FBXO15: variants seen among roughly 807,000 people sequenced by gnomAD.
FBXO15 encodes F-box protein 15, also known as F-box only protein 15.
FBXO15 carries 30 observed loss-of-function variants against 49.5 expected under a neutral mutation model. The ratio of observed to expected loss-of-function variants is 0.61; its 90% CI spans 0.45 to 0.82. FBXO15 has a LOEUF of 0.82. Among genes scored for constraint, FBXO15 ranks in the 40% least tolerant of loss-of-function variants. FBXO15 has a pLI of 0.00. For missense variants in FBXO15, 591 were observed against 631.5 expected, an observed-to-expected ratio of 0.94 and a Z score of 0.69; for synonymous variants, 250 against 232.7, an observed-to-expected ratio of 1.07 and a Z score of -0.68.
At chr18:74,106,144 C>A (rs1212159114) in intron 8 of FBXO15, among the ~76,000 whole-genome samples, 1 of 150,286 alleles carries the variant, frequency 6.7e-6, no homozygotes, top group East Asian at 2.0e-4. Flanking sequence ...GTACAGGAAT[C>A]TGTAGGCTAT....
In FBXO15 at chr18:74,107,859, C is replaced by T. The variant is rs114162387; in HGVS notation, c.1138+15509G>A. On this transcript the variant is annotated intron_variant, in intron 8 of 9. Coordinates refer to ENST00000419743, the MANE Select transcript of FBXO15 (RefSeq NM_001142958.2). ...AAGGCTTTTCCTCAAGAGAAACTAACTAGAGAATAACCTACTAGGGGAATT... is the reference window on the plus strand; with the variant it reads ...AAGGCTTTTCCTCAAGAGAAACTAATTAGAGAATAACCTACTAGGGGAATT... Among the ~76,000 whole-genome samples the T allele has an allele frequency of 1.7e-3, 253 of 152,276 alleles. 3 individuals are homozygous for T. The highest frequency in any genetic ancestry group is 5.9e-3 in the African/African-American group (247 of 41,558).
intron 3 of FBXO15, among the ~76,000 whole-genome samples, chr18:74,134,121 T>C (rs1568180139): frequency 6.6e-6 from 1 of 152,230 alleles, no homozygotes; most frequent in Non-Finnish European, 1.5e-5. Flanking sequence ...TGTGTGCATG[T>C]ATTGACATAG....
intron 3 of FBXO15, among the ~76,000 whole-genome samples, chr18:74,131,350 T>A (rs919976958): frequency 3.3e-5 from 5 of 152,200 alleles, no homozygotes; most frequent in African/African-American, 7.2e-5. Context: ...GAGGCTCAGA[T>A]GCAAGGTGAG....
intron 8 of FBXO15, among the ~76,000 whole-genome samples, chr18:74,121,150 C>G (rs539714903): frequency 3.9e-5 from 6 of 152,280 alleles, no homozygotes; most frequent in African/African-American, 1.4e-4. Flanking sequence ...AGCTCCATCT[C>G]TTTGAAAGAA....
At chr18:74,124,439 CTTTATA>C in intron 7 of FBXO15, 44 bp downstream of exon 7, 1 of 1,459,352 alleles carries the variant, frequency 6.9e-7, no homozygotes. Context: ...ACTTCTAATA[CTTTATA>C]TTTACTGTAC....
intron 8 of FBXO15, among the ~76,000 whole-genome samples, chr18:74,120,666 A>G (rs904037869): frequency 5.9e-5 from 9 of 152,214 alleles, no homozygotes; most frequent in African/African-American, 2.2e-4. Context: ...GGATGCCACT[A>G]AAGCAATACT....
chr18:74,112,481 G>GA lies in FBXO15; in HGVS notation c.1138+10886dup, dbSNP rs1240110884. ...AGAAACAGCATTCAACAAAATCCAG[G>GA]AAAAAAACAGGAATACAGGGGAACT... On this transcript the variant is annotated intron_variant, in intron 8 of 9. Transcript: ENST00000419743. Among the ~76,000 whole-genome samples, 7 of 151,898 alleles carry GA rather than the reference G, an allele frequency of 4.6e-5. No homozygotes were observed. The South Asian group carries it at 6.2e-4, about 14-fold the overall frequency.
intron 1 of FBXO15, among the ~76,000 whole-genome samples, chr18:74,142,407 G>A (rs773021202): frequency 1.1e-4 from 17 of 152,056 alleles, no homozygotes; most frequent in Non-Finnish European, 1.8e-4. Flanking sequence ...AATTGCATTC[G>A]TCTCCTAAGA....
At chr18:74,086,423 T>C (rs1912739424) in intron 8 of FBXO15, among the ~76,000 whole-genome samples, 1 of 152,186 alleles carries the variant, frequency 6.6e-6, no homozygotes, top group Non-Finnish European at 1.5e-5. Flanking sequence ...AAGCACTGAA[T>C]AGCGTTTTGT....
intron 8 of FBXO15, among the ~76,000 whole-genome samples, chr18:74,120,153 A>G (rs376984068): frequency 1.3e-5 from 2 of 152,230 alleles, no homozygotes; most frequent in South Asian, 4.1e-4. Context: ...TCAAAGGGAT[A>G]TCATAGTCTC....
intron 8 of FBXO15, among the ~76,000 whole-genome samples, chr18:74,120,812 G>T (rs1302897310): frequency 6.6e-6 from 1 of 151,166 alleles, no homozygotes; most frequent in Non-Finnish European, 1.5e-5. Context: ...AGAAAGAATA[G>T]AAATCAACAT....
rs545727785 is a variant in FBXO15 at position 74,075,643 on chromosome 18, G to A, written c.1264-1913C>T. Reference sequence around the variant, plus strand: ...GGTATCCTTTTTCCATCATCTGACCGAACATCTCTTGATAAGGCCACTAAA... The same window carrying A: ...GGTATCCTTTTTCCATCATCTGACCAAACATCTCTTGATAAGGCCACTAAA... On this transcript the variant is annotated intron_variant, in intron 9 of 9. Transcript: ENST00000419743. This position sits in a 1 kb window ranked among gnomAD's most constrained non-coding sequence, Gnocchi z 4.1. 6.6e-5 allele frequency among the ~76,000 whole-genome samples: 10 copies of A among 152,154 alleles called. No individual in the cohort carries two copies. Among genetic ancestry groups the A allele is most frequent in the Admixed American group, 4.6e-4 (7 of 15,270 alleles).
intron 8 of FBXO15, among the ~76,000 whole-genome samples, chr18:74,101,282 C>A (rs145537335): frequency 2.2e-4 from 34 of 152,208 alleles, no homozygotes; most frequent in African/African-American, 7.2e-4. Context: ...TGATACACCA[C>A]ATAAACAGAA....
chr18:74,093,274 T>C (rs879493722), intron 8 of FBXO15, among the ~76,000 whole-genome samples: 1 of 107,432 alleles, frequency 9.3e-6, no homozygotes, highest in Non-Finnish European at 1.9e-5. Context: ...GGGGGGGGGG[T>C]GGCTGCAGAC....
chr18:74,118,978 G>A (rs1301888806), intron 8 of FBXO15, among the ~76,000 whole-genome samples: 2 of 152,240 alleles, frequency 1.3e-5, no homozygotes, highest in African/African-American at 4.8e-5. Flanking sequence ...TGGAAGACCA[G>A]CAGTGGCAGC....
At chr18:74,103,264 A>T (rs1345582597) in intron 8 of FBXO15, among the ~76,000 whole-genome samples, 1 of 151,994 alleles carries the variant, frequency 6.6e-6, no homozygotes, top group Non-Finnish European at 1.5e-5. Flanking sequence ...AACAGAATGG[A>T]TCAAGCAAAG....
chr18:74,146,615 T>C lies in FBXO15; in HGVS notation c.116+1055A>G, dbSNP rs193292171. Reference sequence around the variant, plus strand: ...CATAAAAGAATTTTTGCAGGCATTGTCACCATTCTATTTGTGACAAGGCTT... The same window carrying C: ...CATAAAAGAATTTTTGCAGGCATTGCCACCATTCTATTTGTGACAAGGCTT... On this transcript the variant is annotated intron_variant, in intron 1 of 9. Transcript: ENST00000419743. Among the ~76,000 whole-genome samples, 11 of 152,334 alleles carry C rather than the reference T, an allele frequency of 7.2e-5. No individual in the cohort carries two copies. The East Asian group carries it at 1.9e-3, about 27-fold the overall frequency.
chr18:74,145,621 A>G (rs1346286081), intron 1 of FBXO15, among the ~76,000 whole-genome samples: 4 of 114,130 alleles, frequency 3.5e-5, no homozygotes, highest in Non-Finnish European at 6.6e-5. Context: ...TTTTTGCGAC[A>G]GAGTCTGGCT....
chr18:74,095,081 T>C (rs918308590), intron 8 of FBXO15, among the ~76,000 whole-genome samples: 1 of 152,256 alleles, frequency 6.6e-6, no homozygotes, highest in East Asian at 1.9e-4. Context: ...TTATCAGCAT[T>C]CACAGAATAA....
Sources: allele counts gnomAD v4.1 joint callset (sites outside exome capture counted in the v4.1 genomes callset), GRCh38; gene constraint gnomAD v4.1.1; non-coding constraint Gnocchi (gnomAD v3.1); transcripts MANE v1.5; gene names NCBI Gene and HGNC (gene_info 2026-07-23, HGNC 2026-07-21).